The following SULF1 variants were observed in gnomAD, a reference collection of about 807,000 sequenced individuals.
SULF1 encodes the protein extracellular sulfatase Sulf-1.
In SULF1, 46 loss-of-function variants were observed where a neutral mutation model predicts 110.5. The ratio of observed to expected loss-of-function variants is 0.42; its 90% CI spans 0.33 to 0.53. SULF1 has a LOEUF of 0.53. Among genes scored for constraint, SULF1 ranks in the 20% least tolerant of loss-of-function variants. The pLI, the probability that SULF1 is intolerant of heterozygous loss-of-function variation, is 0.12. For synonymous variants in SULF1, 371 were observed against 387.1 expected, an observed-to-expected ratio of 0.96 and a Z score of 0.49; for missense variants, 941 against 1,094.2, an observed-to-expected ratio of 0.86 and a Z score of 1.98.
At chr8:69,564,778 A>G (rs1175445826) in intron 5 of SULF1, among the ~76,000 whole-genome samples, 2 of 152,200 alleles carry the variant, frequency 1.3e-5, no homozygotes, top group Non-Finnish European at 2.9e-5. Flanking sequence ...TGGGTTTCTT[A>G]CCTTCTCACC....
intron 13 of SULF1, among the ~76,000 whole-genome samples, chr8:69,620,781 TGGCTCTA>T (rs1467855850): frequency 6.6e-6 from 1 of 152,212 alleles, no homozygotes; most frequent in East Asian, 1.9e-4. Flanking sequence ...TATCAGTTTT[TGGCTCTA>T]GTGACATTGA....
intron 1 of SULF1, among the ~76,000 whole-genome samples, chr8:69,474,387 A>G (rs1419430758): frequency 6.6e-6 from 1 of 152,194 alleles, no homozygotes; most frequent in East Asian, 1.9e-4. Flanking sequence ...GCCAATTTAA[A>G]GTTTCACCCT....
chr8:69,570,818 G>A (rs868711491), intron 5 of SULF1, among the ~76,000 whole-genome samples: 21 of 152,324 alleles, frequency 1.4e-4, no homozygotes, highest in Admixed American at 8.5e-4. Flanking sequence ...CACAGCATCC[G>A]CCTGCAGGAG....
At chr8:69,645,467 G>A (rs781396933) in intron 22 of SULF1, among the ~76,000 whole-genome samples, 36 of 152,150 alleles carry the variant, frequency 2.4e-4, no homozygotes, top group Non-Finnish European at 4.4e-4. Context: ...AGAAAGAATC[G>A]AAACAACCAC....
At chr8:69,480,291 G>T (rs1809465097) in intron 1 of SULF1, among the ~76,000 whole-genome samples, 1 of 152,166 alleles carries the variant, frequency 6.6e-6, no homozygotes, top group African/African-American at 2.4e-5. Flanking sequence ...CCAGAAAACT[G>T]AAGCTGAGGG....
At chr8:69,585,885 C>T (rs181389043) in intron 6 of SULF1, among the ~76,000 whole-genome samples, 31 of 152,254 alleles carry the variant, frequency 2.0e-4, no homozygotes, top group African/African-American at 6.0e-4. Context: ...TATGTAAAAA[C>T]GAAAATAAGC....
intron 3 of SULF1, among the ~76,000 whole-genome samples, chr8:69,538,783 C>A (rs968913753): frequency 1.3e-5 from 2 of 152,112 alleles, no homozygotes; most frequent in Admixed American, 6.5e-5. Flanking sequence ...ACCTCCTCCT[C>A]CCAGATTCAA....
At chr8:69,541,895 T>TTG (rs1385408280) in intron 3 of SULF1, among the ~76,000 whole-genome samples, 1 of 152,218 alleles carries the variant, frequency 6.6e-6, no homozygotes, top group Non-Finnish European at 1.5e-5. Flanking sequence ...AGGCACCAAT[T>TTG]TGTAGATCAC....
intron 3 of SULF1, among the ~76,000 whole-genome samples, chr8:69,520,154 CACAT>C (rs1207403486): frequency 1.4e-5 from 2 of 147,716 alleles, no homozygotes; most frequent in African/African-American, 2.6e-5. Flanking sequence ...CACACACACA[CACAT>C]CACTGTGTCT....
At chr8:69,654,963 A>C (rs1812610362) in intron 22 of SULF1, among the ~76,000 whole-genome samples, 1 of 152,218 alleles carries the variant, frequency 6.6e-6, no homozygotes, top group Non-Finnish European at 1.5e-5. Context: ...ATCTGAAGAA[A>C]TGTAACTTGG....
chr8:69,590,295 G>C (rs1806798662), intron 8 of SULF1, among the ~76,000 whole-genome samples: 1 of 152,056 alleles, frequency 6.6e-6, no homozygotes, highest in African/African-American at 2.4e-5. Flanking sequence ...CTGAGGAGCT[G>C]GGACTACAGG....
chr8:69,631,016 T>G (rs1266346559), intron 19 of SULF1, among the ~76,000 whole-genome samples: 1 of 150,536 alleles, frequency 6.6e-6, no homozygotes, highest in African/African-American at 2.4e-5. Flanking sequence ...CCTCTTCCTG[T>G]GTCAACATTT....
rs140822350 is a variant in SULF1 at position 69,646,989 on chromosome 8, G to C, written c.2585+6148G>C. 7.5e-3 allele frequency among the ~76,000 whole-genome samples: 929 copies of C among 124,234 alleles called. 11 individuals are homozygous for C. The highest frequency in any genetic ancestry group is 0.028 in the African/African-American group (892 of 31,670). 81.5% of individuals were successfully genotyped at this position (124,234 alleles called of 152,430 possible). A position where few individuals can be genotyped will look rare whatever the true frequency, so the allele number is the denominator to read the frequency against. ...AGGTGGAGTCTTGCTCTGTCACCCAGGCTGGAGTGCAGTGACACAATCTTG... is the reference window on the plus strand; with the variant it reads ...AGGTGGAGTCTTGCTCTGTCACCCACGCTGGAGTGCAGTGACACAATCTTG... On this transcript the variant is annotated intron_variant, in intron 22 of 22. Coordinates refer to ENST00000402687, the MANE Select transcript of SULF1 (RefSeq NM_001128205.2).
intron 6 of SULF1, among the ~76,000 whole-genome samples, chr8:69,580,809 C>A (rs975117665): frequency 6.6e-6 from 1 of 151,984 alleles, no homozygotes; most frequent in Non-Finnish European, 1.5e-5. Context: ...AAATCATAGA[C>A]CTTAGTTCTG....
chr8:69,632,846 G>A (rs1810684630), intron 19 of SULF1, among the ~76,000 whole-genome samples: 1 of 152,026 alleles, frequency 6.6e-6, no homozygotes. Context: ...GCAACATGGT[G>A]AAACCTTGTC....
At chr8:69,526,291 T>C (rs1457958438) in intron 3 of SULF1, among the ~76,000 whole-genome samples, 1 of 152,132 alleles carries the variant, frequency 6.6e-6, no homozygotes, top group East Asian at 1.9e-4. Context: ...CCCAAGGCCG[T>C]TAGCTGTGTC....
chr8:69,524,362 C>T (rs1812522572), intron 3 of SULF1, among the ~76,000 whole-genome samples: 1 of 152,090 alleles, frequency 6.6e-6, no homozygotes, highest in Admixed American at 6.6e-5. Flanking sequence ...TCTGGTGAGG[C>T]TTACAGTCAT....
At chr8:69,581,257 T>C (rs984929982) in intron 6 of SULF1, among the ~76,000 whole-genome samples, 6 of 152,238 alleles carry the variant, frequency 3.9e-5, no homozygotes, top group African/African-American at 1.2e-4. Context: ...ATTACGTGGA[T>C]TAAAATCTCA....
rs1044647116 is a variant in SULF1 at position 69,658,883 on chromosome 8, G to A, written c.*348G>A. 5 of 506,970 alleles carry A rather than the reference G, an allele frequency of 9.9e-6. No homozygotes were observed. The highest frequency in any genetic ancestry group is 5.4e-5 in the East Asian group (1 of 18,584). 31.4% of individuals were successfully genotyped at this position (506,970 alleles called of 1,614,324 possible). A position where few individuals can be genotyped will look rare whatever the true frequency, so the allele number is the denominator to read the frequency against. ...GACCTTCAAACCCTGCATTTGAACC[G>A]ACCAACATTAAGTCCAGAGAGTAAA... On this transcript the variant is annotated 3_prime_UTR_variant, in exon 23 of 23. Coordinates refer to ENST00000402687, the MANE Select transcript of SULF1 (RefSeq NM_001128205.2).
Sources: gnomAD v4.1 joint callset for allele counts (sites outside exome capture counted in the v4.1 genomes callset) on GRCh38, gnomAD v4.1.1 for gene constraint, MANE v1.5 for transcripts, NCBI Gene and HGNC (gene_info 2026-07-23, HGNC 2026-07-21) for gene names.